The following ZNF518B variants were observed in gnomAD, a reference collection of about 807,000 sequenced individuals.
The protein encoded by ZNF518B is zinc finger protein 518B.
Under a neutral mutation model 56.3 loss-of-function variants are expected in ZNF518B, and 23 were observed. That is an observed-to-expected ratio of 0.41 (90% CI 0.29 to 0.58). The LOEUF (loss-of-function observed/expected upper bound fraction) is 0.58, where lower values mean the gene tolerates loss of function less well. Among genes scored for constraint, ZNF518B ranks in the 20% least tolerant of loss-of-function variants. The pLI, the probability that ZNF518B is intolerant of heterozygous loss-of-function variation, is 0.32. For synonymous variants in ZNF518B, 529 were observed against 465.9 expected, an observed-to-expected ratio of 1.14 and a Z score of -1.74; for missense variants, 1,460 against 1,272.1, an observed-to-expected ratio of 1.15 and a Z score of -2.25.
chr4:10,455,869 AAG>A (rs1169576541), intron 1 of ZNF518B, among the ~76,000 whole-genome samples: 1 of 152,258 alleles, frequency 6.6e-6, no homozygotes, highest in Non-Finnish European at 1.5e-5. Context: ...AATTTTAAAA[AAG>A]AACTATTTGT....
chr4:10,442,783 G>T lies in ZNF518B; in HGVS notation c.*321C>A. ...CTGCCCCTCTGAATGGATTATGAAA[G>T]ATCAGTATGTACTCAGAAAACGGGG... On this transcript the variant is annotated 3_prime_UTR_variant, in exon 3 of 3. Transcript: ENST00000326756. The T allele has an allele frequency of 4.0e-6, 1 of 248,368 alleles. No individual in the cohort carries two copies. The highest frequency in any genetic ancestry group is 8.0e-5 in the East Asian group (1 of 12,426). The allele number at this position is 248,368 out of a possible 1,614,324, so 15.4% of individuals were successfully genotyped here.
chr4:10,445,810 C>T lies in ZNF518B; in HGVS notation c.519G>A (p.Thr173=), dbSNP rs111972960. The change falls in exon 3 of 3, where the codon ACG becomes ACA. Residue 173 remains threonine (T), a synonymous_variant. Coordinates refer to ENST00000326756, the MANE Select transcript of ZNF518B (RefSeq NM_053042.3). ...CCAAATGCCTCTGAAACTCTCCTTT[C>T]GTATACGAAATGTAGCTGCAGTGAG... The part of the protein sequence containing the change: ...ICSHCSYISY[T]KGEFQRHLVK... The T allele has an allele frequency of 3.4e-5, 55 of 1,614,220 alleles. No homozygotes were observed. The highest frequency in any genetic ancestry group is 1.9e-4 in the African/African-American group (14 of 75,058).
At position 10,445,193 on chromosome 4, in the gene ZNF518B, C is replaced by A; in HGVS notation, c.1136G>T (p.Gly379Val). 6.2e-7 allele frequency: 1 copy of A among 1,614,200 alleles called. No individual in the cohort carries two copies. ...TTTCACCATACGTTCAGAATTACCT[C>A]CATTATCCCTCCCAGCTTCAAGGCA... ...NNCLEAGRDN[G>V]GNSERMVKEK... The change falls in exon 3 of 3, where the codon GGA (glycine) becomes GTA (valine). Residue 379 changes from glycine to valine, a missense_variant. Physicochemically the swap from Gly to Val is moderately radical, Grantham distance 109 (BLOSUM62 -3). Transcript: ENST00000326756.
At chr4:10,448,192 A>G (rs1371512844) in intron 2 of ZNF518B, among the ~76,000 whole-genome samples, 4 of 152,222 alleles carry the variant, frequency 2.6e-5, no homozygotes, top group Admixed American at 1.3e-4. Context: ...ACACTAGAGT[A>G]TAAGAGAAGA....
upstream of ZNF518B, among the ~76,000 whole-genome samples, chr4:10,459,447 G>A (rs74795309): frequency 7.1e-3 from 1,074 of 152,062 alleles, 6 homozygotes; most frequent in Middle Eastern, 0.027. Flanking sequence ...CCTAAATTCC[G>A]TGGATCACTT....
Position 10,443,546 on chromosome 4 carries a change from G to A in ZNF518B, c.2783C>T (p.Ala928Val), listed in dbSNP as rs755709602. 6.2e-7 allele frequency: 1 copy of A among 1,614,154 alleles called. No homozygotes were observed. Among genetic ancestry groups the A allele is most frequent in the South Asian group, 1.1e-5 (1 of 91,082 alleles). Reference protein sequence around the residue: ...QVARQLRLIAAKPDQLIKCPR... With the variant: ...QVARQLRLIAVKPDQLIKCPR... Reference sequence around the variant, plus strand: ...ACACTTAATCAACTGATCTGGCTTAGCTGCTATCAGTCTTAGTTGCCTTGC... The same window carrying A: ...ACACTTAATCAACTGATCTGGCTTAACTGCTATCAGTCTTAGTTGCCTTGC... Residue 928 changes from alanine (A) to valine (V), a missense_variant, in exon 3 of 3, where the codon GCT becomes GTT. Transcript: ENST00000326756.
rs146679712 is a variant in ZNF518B at position 10,444,820 on chromosome 4, G to C, written c.1509C>G (p.Asn503Lys). Reference protein sequence around the residue: ...SVLRSLGAASNPFPYKAAVCF... With the variant: ...SVLRSLGAASKPFPYKAAVCF... ...AAACAGCAGCTTTATATGGAAAAGG[G>C]TTTGATGCAGCTCCAAGACTACGTA... Residue 503 changes from asparagine (N) to lysine (K), a missense_variant, in exon 3 of 3, where the codon AAC (asparagine) becomes AAG (lysine). By Grantham distance (94) the Asn-to-Lys change is moderately conservative. Coordinates refer to ENST00000326756, the MANE Select transcript of ZNF518B (RefSeq NM_053042.3). 4,388 of 1,614,024 alleles carry C rather than the reference G, an allele frequency of 2.7e-3. 42 individuals carry two copies. The highest frequency in any genetic ancestry group is 2.1e-3 in the Non-Finnish European group (2,500 of 1,179,974).
Position 10,445,506 on chromosome 4 carries a change from T to C in ZNF518B, c.823A>G (p.Ile275Val), listed in dbSNP as rs139432106. The change falls in exon 3 of 3, where the codon ATC becomes GTC. Residue 275 changes from isoleucine (I) to valine (V), a missense_variant. Physicochemically the swap from Ile to Val is conservative, Grantham distance 29 (BLOSUM62 3). Transcript: ENST00000326756. ...LHANKDKMHN[I>V]MLLPEPKEYQ... ...TCCTTTGGTTCAGGTAACAACATGA[T>C]ATTGTGCATTTTGTCTTTATTTGCA... 2.4e-5 allele frequency: 38 copies of C among 1,614,236 alleles called. No individual in the cohort carries two copies. In the African/African-American group the frequency reaches 3.7e-4, roughly 16 times the overall value.
In ZNF518B at chr4:10,446,453, C is replaced by G. The variant is rs565588376; in HGVS notation, c.-125G>C. On this transcript the variant is annotated 5_prime_UTR_variant, in exon 3 of 3. Transcript: ENST00000326756. ...GGCGCAGCTACTTCTTGGGTGCATA[C>G]TTAATTATCTTTCTTTATATACTGC... The G allele has an allele frequency of 4.7e-6, 4 of 853,728 alleles. No homozygotes were observed. The South Asian group carries it at 7.3e-5, about 15-fold the overall frequency. 52.9% of individuals were successfully genotyped at this position (853,728 alleles called of 1,614,324 possible).
chr4:10,460,325 C>CAAAAAAAAAAAAAAAAAAAA (rs1043723933), upstream of ZNF518B, among the ~76,000 whole-genome samples: 68 of 57,598 alleles, frequency 1.2e-3, 21 homozygotes, highest in African/African-American at 1.9e-3. Flanking sequence ...AAAAAAAAAC[C>CAAAAAAAAAAAAAAAAAAAA]AAAAAAAAAA....
In ZNF518B at chr4:10,445,533, G is replaced by A; in HGVS notation, c.796C>T (p.His266Tyr). 2 of 1,614,158 alleles carry A rather than the reference G, an allele frequency of 1.2e-6. No homozygotes were observed. Among genetic ancestry groups the A allele is most frequent in the Non-Finnish European group, 1.7e-6 (2 of 1,180,022 alleles). Residue 266 changes from histidine to tyrosine, a missense_variant, in exon 3 of 3, where the codon CAT (histidine) becomes TAT (tyrosine). Transcript: ENST00000326756. Reference protein sequence around the residue: ...WSDQLSGFSLHANKDKMHNIM... With the variant: ...WSDQLSGFSLYANKDKMHNIM... ...TTGTGCATTTTGTCTTTATTTGCAT[G>A]GAGAGAGAAACCTGACAGTTGGTCT... is the stretch of plus-strand genomic sequence containing the variant.
rs71999864 is a variant in ZNF518B at position 10,456,027 on chromosome 4, GTC to G, written c.-395-1041_-395-1040del. On this transcript the variant is annotated intron_variant, in intron 1 of 2. Coordinates refer to ENST00000326756, the MANE Select transcript of ZNF518B (RefSeq NM_053042.3). Reference sequence around the variant, plus strand: ...GAAAAGAGATGTATTCCCATCCTCAGTCTCTGCTCTACTGTAGAAGAGTACTG... The same window carrying G: ...GAAAAGAGATGTATTCCCATCCTCAGTCTGCTCTACTGTAGAAGAGTACTG... Among the ~76,000 whole-genome samples, 1,235 of 152,268 alleles carry G rather than the reference GTC, an allele frequency of 8.1e-3. 14 individuals carry two copies. The highest frequency in any genetic ancestry group is 0.028 in the African/African-American group (1,175 of 41,548).
chr4:10,444,336 A>G lies in ZNF518B; in HGVS notation c.1993T>C (p.Leu665=), dbSNP rs1263559530. The G allele has an allele frequency of 2.5e-6, 4 of 1,614,200 alleles. No homozygotes were observed. The highest frequency in any genetic ancestry group is 2.5e-6 in the Non-Finnish European group (3 of 1,180,036). The part of the protein sequence containing the change: ...STSKIKSIEL[L]RRKIAQLIES... The stretch of plus-strand genomic sequence containing the variant: ...ATTAACTGAGCTATCTTTCTGCGCA[A>G]CAGTTCAATTGACTTTATTTTAGAC... Residue 665 remains leucine (L), a synonymous_variant, in exon 3 of 3, where the codon TTG becomes CTG. Coordinates refer to ENST00000326756, the MANE Select transcript of ZNF518B (RefSeq NM_053042.3).
intron 2 of ZNF518B, among the ~76,000 whole-genome samples, chr4:10,448,413 T>C (rs1285552110): frequency 6.6e-6 from 1 of 152,102 alleles, no homozygotes; most frequent in Non-Finnish European, 1.5e-5. Flanking sequence ...GATGCAACAG[T>C]AACGCACTCA....
In ZNF518B at chr4:10,454,934, G is replaced by A. The variant is rs1715466804; in HGVS notation, c.-341C>T. The A allele has an allele frequency of 6.6e-6, 1 of 152,242 alleles. No individual in the cohort carries two copies. The highest frequency in any genetic ancestry group is 2.4e-5 in the African/African-American group (1 of 41,442). The allele number at this position is 152,242 out of a possible 1,614,324, so 9.4% of individuals were successfully genotyped here. A position where few individuals can be genotyped will look rare whatever the true frequency, so the allele number is the denominator to read the frequency against. On this transcript the variant is annotated 5_prime_UTR_variant, in exon 2 of 3. Coordinates refer to ENST00000326756, the MANE Select transcript of ZNF518B (RefSeq NM_053042.3). The stretch of plus-strand genomic sequence containing the variant: ...ATGAGTTTCACAACCTCAGGCCCTG[G>A]TGTAGGCTTCTACATCAGAACCCTG...
Position 10,445,137 on chromosome 4 carries a change from G to A in ZNF518B, c.1192C>T (p.Leu398Phe), listed in dbSNP as rs1007405223. The A allele has an allele frequency of 5.0e-6, 8 of 1,614,048 alleles. No individual in the cohort carries two copies. In the African/African-American group the frequency reaches 8.0e-5, roughly 16 times the overall value. Residue 398 changes from leucine (L) to phenylalanine (F), a missense_variant, in exon 3 of 3, where the codon CTT becomes TTT. Coordinates refer to ENST00000326756, the MANE Select transcript of ZNF518B (RefSeq NM_053042.3). ...EKGSNEQEKV[L>F]SAEKTKSLTV... ...AGTGACTTTGTTTTTTCTGCAGAAAGTACTTTTTCTTGTTCATTTGAACCC... is the reference window on the plus strand; with the variant it reads ...AGTGACTTTGTTTTTTCTGCAGAAAATACTTTTTCTTGTTCATTTGAACCC...
chr4:10,441,693 A>C lies in ZNF518B; in HGVS notation c.*1411T>G, dbSNP rs1416948347. Reference sequence around the variant, plus strand: ...AGAATCCTGTCTTAAGCACTGACCCAGCCACCTATCTGCCCAAGAGGCTGT... The same window carrying C: ...AGAATCCTGTCTTAAGCACTGACCCCGCCACCTATCTGCCCAAGAGGCTGT... On this transcript the variant is annotated 3_prime_UTR_variant, in exon 3 of 3. Coordinates refer to ENST00000326756, the MANE Select transcript of ZNF518B (RefSeq NM_053042.3). 1 of 152,324 alleles carries C rather than the reference A, an allele frequency of 6.6e-6. No homozygotes were observed. The highest frequency in any genetic ancestry group is 1.9e-4 in the East Asian group (1 of 5,194). 9.4% of individuals were successfully genotyped at this position (152,324 alleles called of 1,614,324 possible). A position where few individuals can be genotyped will look rare whatever the true frequency, so the allele number is the denominator to read the frequency against.
At chr4:10,453,248 T>TA (rs1293318011) in intron 2 of ZNF518B, 1 of 152,192 alleles carries the variant, frequency 6.6e-6, no homozygotes, top group East Asian at 1.9e-4. Context: ...AGTCAATATA[T>TA]TTTTTTAAGA....
intron 1 of ZNF518B, among the ~76,000 whole-genome samples, chr4:10,455,383 T>C (rs1260036149): frequency 2.0e-5 from 3 of 152,298 alleles, no homozygotes; most frequent in South Asian, 4.1e-4. Flanking sequence ...ACAATCATGA[T>C]TGGGGAAACC....
Sources: allele counts gnomAD v4.1 joint callset (sites outside exome capture counted in the v4.1 genomes callset), GRCh38; gene constraint gnomAD v4.1.1; transcripts MANE v1.5; gene names NCBI Gene and HGNC (gene_info 2026-07-23, HGNC 2026-07-21).